INO80: variants seen among roughly 807,000 people sequenced by gnomAD.
The protein encoded by INO80 is INO80 complex ATPase subunit.
INO80 carries 20 observed loss-of-function variants against 203.4 expected under a neutral mutation model. The observed-to-expected ratio is 0.10, with a 90% CI of 0.07 to 0.14. The LOEUF is 0.14. INO80 is among the 10% of genes least tolerant of loss of function. The pLI is 1.00. For missense variants in INO80, 1,419 were observed against 1,914.4 expected, an observed-to-expected ratio of 0.74 and a Z score of 4.83; for synonymous variants, 726 against 685.2, an observed-to-expected ratio of 1.06 and a Z score of -0.93.
At position 41,061,450 on chromosome 15, in the gene INO80, CA is replaced by C. The variant is rs980593225; in HGVS notation, c.1783-1525del. ...TGAAACACCGTCTCTACCAAAAATA[CA>C]AAAAAAAAAAAAAAAAAAAAAATTA... On this transcript the variant is annotated intron_variant, in intron 14 of 35. Transcript: ENST00000648947. Among the ~76,000 whole-genome samples, 488 of 66,936 alleles carry C rather than the reference CA, an allele frequency of 7.3e-3. 1 individual carries two copies. Among genetic ancestry groups the C allele is most frequent in the South Asian group, 0.022 (46 of 2,128 alleles). The allele number at this position is 66,936 out of a possible 152,430, so 43.9% of individuals were successfully genotyped here. A position where few individuals can be genotyped will look rare whatever the true frequency, so the allele number is the denominator to read the frequency against.
rs201208312 is a variant in INO80 at position 41,095,842 on chromosome 15, G to A, written c.230C>T (p.Pro77Leu). Residue 77 changes from proline to leucine, a missense_variant, in exon 3 of 36, where the codon CCA becomes CTA. This residue lies in a region of INO80 where 323 missense variants were observed against 325.4 expected (regional missense o/e 0.99). Transcript: ENST00000648947. The stretch of plus-strand genomic sequence containing the variant: ...AGAAGTTTCACCAAGCAATGAATTT[G>A]GAGGTTCTTCCTTAACTTGTATTAA... ...DPLIQVKEEP[P>L]NSLLGETSGA... The A allele has an allele frequency of 4.4e-5, 71 of 1,613,954 alleles. No homozygotes were observed. Among genetic ancestry groups the A allele is most frequent in the Non-Finnish European group, 5.7e-5 (67 of 1,179,950 alleles).
At chr15:41,074,621 A>G in intron 9 of INO80, 56 bp from the exon 10 acceptor site, 1 of 1,237,684 alleles carries the variant, frequency 8.1e-7, no homozygotes, top group Non-Finnish European at 1.1e-6. Context: ...TCCAAGAAGT[A>G]GTCCAGAATT....
chr15:41,034,011 G>C (rs545131803), intron 24 of INO80, among the ~76,000 whole-genome samples: 1 of 152,264 alleles, frequency 6.6e-6, no homozygotes, highest in African/African-American at 2.4e-5. Flanking sequence ...GCAGTGAGCT[G>C]AGATGGTGCC....
At chr15:41,016,034 T>A in intron 27 of INO80, 54 bp downstream of exon 27, 1 of 1,465,886 alleles carries the variant, frequency 6.8e-7, no homozygotes, top group Non-Finnish European at 9.5e-7. Context: ...GGACATCTGA[T>A]TCCTACAAAT....
intron 27 of INO80, among the ~76,000 whole-genome samples, chr15:41,009,457 C>A (rs1263589144): frequency 4.8e-5 from 7 of 144,962 alleles, no homozygotes; most frequent in African/African-American, 7.7e-5. Flanking sequence ...TGTTCAATTC[C>A]CACCTATGAG....
intron 19 of INO80, among the ~76,000 whole-genome samples, chr15:41,050,900 G>T (rs1359332262): frequency 2.6e-5 from 4 of 151,878 alleles, no homozygotes; most frequent in Admixed American, 2.6e-4. Context: ...TTGGGAGGCC[G>T]AGGCAGGCAG....
chr15:40,988,209 C>A (rs1185999634), intron 29 of INO80, among the ~76,000 whole-genome samples: 1 of 151,958 alleles, frequency 6.6e-6, no homozygotes, highest in Non-Finnish European at 1.5e-5. Flanking sequence ...AAAAGAGTGG[C>A]AATAATATTA....
rs554847962 is a variant in INO80 at position 41,055,999 on chromosome 15, C to T, written c.2070+623G>A. Among the ~76,000 whole-genome samples the T allele has an allele frequency of 6.6e-5, 9 of 135,998 alleles. No homozygotes were observed. The East Asian group carries it at 2.2e-3, about 33-fold the overall frequency. 89.2% of individuals were successfully genotyped at this position (135,998 alleles called of 152,430 possible). A position where few individuals can be genotyped will look rare whatever the true frequency, so the allele number is the denominator to read the frequency against. ...TCACTCTGTTGCCCAGGCTGGCATA[C>T]GGTGGCACAATCTCGGCTCATTGTA... On this transcript the variant is annotated intron_variant, in intron 17 of 35. Transcript: ENST00000648947.
chr15:41,082,726 TAAAC>T (rs1356959167), intron 7 of INO80, among the ~76,000 whole-genome samples: 2 of 151,666 alleles, frequency 1.3e-5, no homozygotes, highest in Non-Finnish European at 2.9e-5. Flanking sequence ...AAAAATTAAA[TAAAC>T]AGAATTAGCT....
chr15:41,036,811 G>A (rs2044582935), intron 24 of INO80, among the ~76,000 whole-genome samples: 1 of 152,284 alleles, frequency 6.6e-6, no homozygotes, highest in African/African-American at 2.4e-5. Context: ...GCCAGGCACG[G>A]TGGCTCACGA....
At chr15:40,998,315 G>A (rs948301565) in intron 28 of INO80, among the ~76,000 whole-genome samples, 12 of 151,920 alleles carry the variant, frequency 7.9e-5, no homozygotes, top group African/African-American at 2.4e-4. Flanking sequence ...GCCACCGTGC[G>A]GGGCCCCAAA....
intron 12 of INO80, 82 bp from the exon 13 acceptor site, chr15:41,070,629 A>AT: frequency 8.9e-7 from 1 of 1,119,992 alleles, no homozygotes; most frequent in Non-Finnish European, 1.4e-6. Context: ...AACGACCAAG[A>AT]TAACAGGCTT....
At chr15:41,010,099 T>C (rs1490179644) in intron 27 of INO80, among the ~76,000 whole-genome samples, 2 of 152,228 alleles carry the variant, frequency 1.3e-5, no homozygotes, top group Non-Finnish European at 2.9e-5. Flanking sequence ...GAGAAGACAA[T>C]GCTCTGCTTG....
In INO80 at chr15:41,032,058, CACAGG is replaced by C. The variant is rs202221606; in HGVS notation, c.2908-4327_2908-4323del. ...CACAGCACAGCACAGCACAGCACAG[CACAGG>C]ACAGCACAGGACAGCACAGCACAGC... On this transcript the variant is annotated intron_variant, in intron 24 of 35. Transcript: ENST00000648947. Among the ~76,000 whole-genome samples the C allele has an allele frequency of 4.7e-4, 33 of 70,140 alleles. 1 individual carries two copies. The highest frequency in any genetic ancestry group is 1.2e-3 in the African/African-American group (24 of 20,246). 46.0% of individuals were successfully genotyped at this position (70,140 alleles called of 152,430 possible). A position where few individuals can be genotyped will look rare whatever the true frequency, so the allele number is the denominator to read the frequency against.
chr15:41,056,672 G>T lies in INO80; in HGVS notation c.2020C>A (p.Arg674=). ...GTCCCGGTTAGCAAAAGCCGATTCC[G>T]ACACTGGAACTGTAAGAGGATCTTC... is the stretch of plus-strand genomic sequence containing the variant. ...RWKILLQFQC[R]NRLLLTGTPI... is the part of the protein sequence containing the mutation. The change falls in exon 17 of 36, where the codon CGG becomes AGG. Residue 674 remains arginine, a synonymous_variant. Transcript: ENST00000648947. The T allele has an allele frequency of 6.2e-7, 1 of 1,614,046 alleles. No homozygotes were observed. The highest frequency in any genetic ancestry group is 8.5e-7 in the Non-Finnish European group (1 of 1,179,922).
chr15:41,058,206 AC>A (rs1338590760), intron 16 of INO80, among the ~76,000 whole-genome samples: 3 of 152,178 alleles, frequency 2.0e-5, no homozygotes, highest in African/African-American at 7.2e-5. Context: ...TGAAGAGATG[AC>A]CTGTAAAAAT....
At chr15:41,006,078 G>C (rs530182688) in intron 27 of INO80, among the ~76,000 whole-genome samples, 4 of 150,756 alleles carry the variant, frequency 2.7e-5, no homozygotes, top group African/African-American at 9.8e-5. Flanking sequence ...TCACTGAAAC[G>C]AATGTGTTTC....
chr15:41,083,843 G>A (rs571910679), intron 7 of INO80, among the ~76,000 whole-genome samples: 11 of 151,874 alleles, frequency 7.2e-5, no homozygotes, highest in Admixed American at 3.3e-4. Flanking sequence ...CAGTTGTCTC[G>A]GCACTACTAA....
chr15:41,070,618 G>C, intron 12 of INO80, 71 bp from the exon 13 acceptor site: 3 of 1,224,718 alleles, frequency 2.4e-6, no homozygotes, highest in Non-Finnish European at 2.4e-6. Context: ...TTACCAAAAA[G>C]AACGACCAAG....
Sources: allele counts gnomAD v4.1 joint callset (sites outside exome capture counted in the v4.1 genomes callset), GRCh38; gene constraint gnomAD v4.1.1; regional missense constraint gnomAD v4.1.1; transcripts MANE v1.5; gene names NCBI Gene and HGNC (gene_info 2026-07-23, HGNC 2026-07-21).